The following EPHB1 variants were observed in gnomAD, a reference collection of about 807,000 sequenced individuals.
The protein encoded by EPHB1 is EPH receptor B1.
In EPHB1, 30 loss-of-function variants were observed where a neutral mutation model predicts 94.4. The ratio of observed to expected loss-of-function variants is 0.32; its 90% CI spans 0.24 to 0.43. The LOEUF (loss-of-function observed/expected upper bound fraction) is 0.43. Among genes scored for constraint, EPHB1 ranks in the 20% least tolerant of loss-of-function variants. The probability of loss-of-function intolerance (pLI) is 1.00; values close to 1 mark genes in which losing one functional copy is unlikely to be tolerated. For synonymous variants in EPHB1, 522 were observed against 489.1 expected, an observed-to-expected ratio of 1.07 and a Z score of -0.89; for missense variants, 1,055 against 1,308.3, an observed-to-expected ratio of 0.81 and a Z score of 2.99.
intron 12 of EPHB1, among the ~76,000 whole-genome samples, chr3:135,213,428 G>A (rs937155298): frequency 1.3e-5 from 2 of 152,192 alleles, no homozygotes; most frequent in Non-Finnish European, 2.9e-5. Context: ...CGTTATGTGT[G>A]TTCAAATAAA....
intron 1 of EPHB1, among the ~76,000 whole-genome samples, chr3:134,875,258 A>T (rs552811580): frequency 6.6e-6 from 1 of 152,226 alleles, no homozygotes; most frequent in East Asian, 1.9e-4. Context: ...ATCTCTTTCT[A>T]TTTGAATCAG....
chr3:135,203,416 A>T (rs920790128), intron 12 of EPHB1, among the ~76,000 whole-genome samples: 21 of 152,074 alleles, frequency 1.4e-4, no homozygotes, highest in South Asian at 4.1e-4. Flanking sequence ...AGTAAAATTT[A>T]AAAAAAAGAA....
chr3:135,236,620 G>A (rs904135976), intron 12 of EPHB1, among the ~76,000 whole-genome samples: 3 of 152,118 alleles, frequency 2.0e-5, no homozygotes, highest in Admixed American at 6.5e-5. Flanking sequence ...CAGGCATTAC[G>A]AAATTCAGAG....
Position 134,924,957 on chromosome 3 carries a change from C to T in EPHB1, c.59-859C>T, listed in dbSNP as rs182340504. 1.1e-4 allele frequency among the ~76,000 whole-genome samples: 17 copies of T among 152,270 alleles called. No homozygotes were observed. In the East Asian group the frequency reaches 3.3e-3, roughly 29 times the overall value. On this transcript the variant is annotated intron_variant, in intron 1 of 15. Coordinates refer to ENST00000398015, the MANE Select transcript of EPHB1 (RefSeq NM_004441.5). ...AAGGATTACAAAGGGACTAAATAAA[C>T]TTTTGGGTATGATGAATATGTTTAT... is the stretch of plus-strand genomic sequence containing the variant.
intron 1 of EPHB1, among the ~76,000 whole-genome samples, chr3:134,881,656 G>C (rs2037733304): frequency 6.6e-6 from 1 of 152,194 alleles, no homozygotes; most frequent in East Asian, 1.9e-4. Context: ...CCTGACAAAG[G>C]GGTGCTAATC....
At chr3:135,154,702 C>A (rs1026382083) in intron 6 of EPHB1, among the ~76,000 whole-genome samples, 1 of 152,120 alleles carries the variant, frequency 6.6e-6, no homozygotes, top group African/African-American at 2.4e-5. Context: ...TATGCATGTA[C>A]TACTGCACTA....
chr3:135,098,886 T>A (rs1029676045), intron 3 of EPHB1, among the ~76,000 whole-genome samples: 2 of 151,786 alleles, frequency 1.3e-5, no homozygotes, highest in Non-Finnish European at 2.9e-5. Flanking sequence ...AGTGGCGCTT[T>A]CCTGTAATCC....
intron 3 of EPHB1, among the ~76,000 whole-genome samples, chr3:134,987,526 G>A (rs1312373126): frequency 6.6e-6 from 1 of 152,198 alleles, no homozygotes; most frequent in African/African-American, 2.4e-5. Context: ...TTGGGAGGCT[G>A]AGGCTGGCGG....
intron 3 of EPHB1, chr3:134,978,111 T>A (rs1411924369): frequency 7.4e-6 from 3 of 407,872 alleles, no homozygotes; most frequent in Non-Finnish European, 1.4e-5. Flanking sequence ...AAATGGAAGA[T>A]CCAAGTTTTC....
intron 3 of EPHB1, among the ~76,000 whole-genome samples, chr3:134,974,048 G>A (rs868199081): frequency 6.6e-6 from 1 of 152,172 alleles, no homozygotes; most frequent in Non-Finnish European, 1.5e-5. Context: ...GTGCTGTGAA[G>A]TGATATAGAG....
intron 1 of EPHB1, among the ~76,000 whole-genome samples, chr3:134,855,281 C>A (rs923896427): frequency 6.6e-6 from 1 of 152,182 alleles, no homozygotes; most frequent in African/African-American, 2.4e-5. Flanking sequence ...GAGGAAAAGG[C>A]TGCAGCAAAA....
chr3:135,251,319 A>T (rs1270568315), intron 15 of EPHB1, among the ~76,000 whole-genome samples: 1 of 152,182 alleles, frequency 6.6e-6, no homozygotes, highest in Non-Finnish European at 1.5e-5. Context: ...CTAGATAATC[A>T]GAGGGACTGA....
intron 1 of EPHB1, among the ~76,000 whole-genome samples, chr3:134,833,663 G>T (rs938478118): frequency 1.3e-5 from 2 of 152,202 alleles, no homozygotes; most frequent in African/African-American, 4.8e-5. Flanking sequence ...ATGCTGTGGG[G>T]CCCCAGGGTG....
intron 15 of EPHB1, among the ~76,000 whole-genome samples, chr3:135,251,664 A>G (rs1308636792): frequency 6.6e-6 from 1 of 152,230 alleles, no homozygotes; most frequent in Non-Finnish European, 1.5e-5. Context: ...GCTTCCCTAA[A>G]GTATTTGCCA....
chr3:135,109,502 A>C (rs1939354806), intron 4 of EPHB1, among the ~76,000 whole-genome samples: 3 of 152,240 alleles, frequency 2.0e-5, no homozygotes, highest in Admixed American at 2.0e-4. Flanking sequence ...CTTTGGTTAC[A>C]TCCCTGGAAA....
chr3:135,189,449 G>A (rs760239582), intron 10 of EPHB1, among the ~76,000 whole-genome samples: 7 of 152,228 alleles, frequency 4.6e-5, no homozygotes, highest in African/African-American at 7.2e-5. Context: ...AGGGCCGGAT[G>A]TTCAGAAGGA....
In EPHB1 at chr3:135,010,532, G is replaced by A. The variant is rs1418789056; in HGVS notation, c.805+58480G>A. Among the ~76,000 whole-genome samples the A allele has an allele frequency of 6.0e-5, 9 of 151,076 alleles. 1 individual carries two copies. Among genetic ancestry groups the A allele is most frequent in the Non-Finnish European group, 1.0e-4 (7 of 67,906 alleles). On this transcript the variant is annotated intron_variant, in intron 3 of 15. Transcript: ENST00000398015. ...ATTCTGGTGCAGTGAGTCTGAGGTG[G>A]GCCCTGAGGGTCTGTATTTTTTTCT...
In EPHB1 at chr3:134,953,833, A is replaced by G. The variant is rs745743731; in HGVS notation, c.805+1781A>G. ...TTTTAGAGGGTTCTGCTGTCCGTGT[A>G]GCTTGTCAGTTACCTCCTGTGGCTG... is the stretch of plus-strand genomic sequence containing the variant. On this transcript the variant is annotated intron_variant, in intron 3 of 15. Transcript: ENST00000398015. 2.0e-4 allele frequency among the ~76,000 whole-genome samples: 31 copies of G among 152,184 alleles called. 1 individual carries two copies. The highest frequency in any genetic ancestry group is 2.5e-4 in the Non-Finnish European group (17 of 68,024).
chr3:135,021,345 A>T (rs1429697168), intron 3 of EPHB1, among the ~76,000 whole-genome samples: 4 of 152,132 alleles, frequency 2.6e-5, no homozygotes, highest in Admixed American at 2.6e-4. Flanking sequence ...CATATTGTCA[A>T]ATCTTATTTT....
Sources: allele counts gnomAD v4.1 joint callset (sites outside exome capture counted in the v4.1 genomes callset), GRCh38; gene constraint gnomAD v4.1.1; transcripts MANE v1.5; gene names NCBI Gene and HGNC (gene_info 2026-07-23, HGNC 2026-07-21).